C1orf21: variants seen among roughly 807,000 people sequenced by gnomAD.
C1orf21 encodes the protein uncharacterized protein C1orf21.
A neutral mutation model predicts 18.7 loss-of-function variants in C1orf21; 3 were observed. The observed-to-expected ratio is 0.16, with a 90% confidence interval of 0.07 to 0.42. The LOEUF (loss-of-function observed/expected upper bound fraction) is 0.42, where lower values mean the gene tolerates loss of function less well. Ranked by LOEUF, C1orf21 falls within the 10% of genes least tolerant of loss-of-function variation. The pLI, the probability that C1orf21 is intolerant of heterozygous loss-of-function variation, is 0.99. For missense variants in C1orf21, 104 were observed against 143.6 expected, an observed-to-expected ratio of 0.72 and a Z score of 1.41; for synonymous variants, 41 against 46.4, an observed-to-expected ratio of 0.88 and a Z score of 0.47.
chr1:184,561,687 G>T (rs907280187), intron 3 of C1orf21, among the ~76,000 whole-genome samples: 2 of 152,006 alleles, frequency 1.3e-5, no homozygotes, highest in South Asian at 4.2e-4. Context: ...TGTGATCTTC[G>T]GCTCACTGCA....
intron 1 of C1orf21, among the ~76,000 whole-genome samples, chr1:184,396,319 G>C (rs1282653602): frequency 6.6e-6 from 1 of 152,166 alleles, no homozygotes; most frequent in African/African-American, 2.4e-5. Context: ...CAAGTGAACT[G>C]TAGTACTAAC....
At chr1:184,511,198 G>C (rs1658138053) in intron 3 of C1orf21, among the ~76,000 whole-genome samples, 1 of 152,074 alleles carries the variant, frequency 6.6e-6, no homozygotes, top group Admixed American at 6.6e-5. Context: ...AAAGCTCAAA[G>C]TATAGTACAC....
chr1:184,552,960 G>T (rs778499200), intron 3 of C1orf21, among the ~76,000 whole-genome samples: 2 of 152,150 alleles, frequency 1.3e-5, no homozygotes, highest in Non-Finnish European at 2.9e-5. Context: ...GCTCAACAAT[G>T]AAGTTATTTC....
intron 2 of C1orf21, among the ~76,000 whole-genome samples, chr1:184,501,285 C>T (rs1657972210): frequency 6.6e-6 from 1 of 152,090 alleles, no homozygotes; most frequent in African/African-American, 2.4e-5. Context: ...GTCTTACCTC[C>T]TGGAATTCTT....
chr1:184,470,182 AG>A (rs1657473671), intron 1 of C1orf21, among the ~76,000 whole-genome samples: 1 of 152,140 alleles, frequency 6.6e-6, no homozygotes, highest in African/African-American at 2.4e-5. Flanking sequence ...GGGTTAGGTC[AG>A]CAAAGTTGCC....
chr1:184,577,356 A>G (rs1196441294), intron 3 of C1orf21, among the ~76,000 whole-genome samples: 1 of 151,984 alleles, frequency 6.6e-6, no homozygotes, highest in Non-Finnish European at 1.5e-5. Context: ...AGAAGCTAGA[A>G]AGGCAATGAA....
At chr1:184,441,085 T>A (rs563185045) in intron 1 of C1orf21, among the ~76,000 whole-genome samples, 1 of 152,330 alleles carries the variant, frequency 6.6e-6, no homozygotes, top group African/African-American at 2.4e-5. Context: ...AAATTCTAAG[T>A]CTTCTGTTAG....
intron 1 of C1orf21, among the ~76,000 whole-genome samples, chr1:184,437,852 T>C (rs1656882960): frequency 6.6e-6 from 1 of 151,148 alleles, no homozygotes; most frequent in Non-Finnish European, 1.5e-5. Context: ...CATCTGAGGG[T>C]GATAAGAGAC....
intron 1 of C1orf21, among the ~76,000 whole-genome samples, chr1:184,451,462 A>AT (rs374550435): frequency 0.15 from 11,972 of 77,252 alleles, 499 homozygotes; most frequent in African/African-American, 0.21. Flanking sequence ...GGCTAATTTA[A>AT]TTTTTTTTTT....
intron 2 of C1orf21, among the ~76,000 whole-genome samples, chr1:184,477,838 A>C (rs1252683846): frequency 6.6e-6 from 1 of 152,210 alleles, no homozygotes; most frequent in Non-Finnish European, 1.5e-5. Flanking sequence ...CATACAGTAC[A>C]TTATTTTTAA....
In C1orf21 at chr1:184,426,270, A is replaced by G. The variant is rs541784659; in HGVS notation, c.-125+38902A>G. On this transcript the variant is annotated intron_variant, in intron 1 of 5. Coordinates refer to ENST00000235307, the MANE Select transcript of C1orf21 (RefSeq NM_030806.4). ...TCCTAACTGGTGGTCTTCTACTTTC[A>G]TGATCAGTTCGTCTGCCAGGATTAC... 2.0e-5 allele frequency among the ~76,000 whole-genome samples: 3 copies of G among 152,262 alleles called. No individual in the cohort carries two copies. In the East Asian group the frequency reaches 5.8e-4, roughly 29 times the overall value.
At chr1:184,398,133 G>A (rs867753544) in intron 1 of C1orf21, among the ~76,000 whole-genome samples, 13 of 152,288 alleles carry the variant, frequency 8.5e-5, no homozygotes, top group Middle Eastern at 3.4e-3. Flanking sequence ...CTCCAGATTA[G>A]TGATCTTGAA....
chr1:184,557,400 A>T (rs1364851697), intron 3 of C1orf21, among the ~76,000 whole-genome samples: 1 of 150,896 alleles, frequency 6.6e-6, no homozygotes, highest in Non-Finnish European at 1.5e-5. Context: ...TCCTCGCCCC[A>T]CTCCCACCCT....
At chr1:184,599,480 A>ATC (rs1279723789) in intron 5 of C1orf21, 2 of 152,248 alleles carry the variant, frequency 1.3e-5, no homozygotes, top group South Asian at 4.1e-4. Context: ...ATCATCTTCT[A>ATC]AGCCACCATT....
At chr1:184,575,611 TA>T (rs59167087) in intron 3 of C1orf21, among the ~76,000 whole-genome samples, 29,915 of 83,490 alleles carry the variant, frequency 0.36, 3,256 homozygotes, top group Admixed American at 0.44. Flanking sequence ...CACAAAAAGG[TA>T]AAAAAAAAAA....
chr1:184,472,622 C>T (rs1349733189), intron 1 of C1orf21, among the ~76,000 whole-genome samples: 1 of 151,432 alleles, frequency 6.6e-6, no homozygotes, highest in African/African-American at 2.4e-5. Flanking sequence ...ACAGATTTTG[C>T]TTTTTTTATT....
intron 2 of C1orf21, among the ~76,000 whole-genome samples, chr1:184,485,611 C>T (rs1308617033): frequency 6.6e-6 from 1 of 152,008 alleles, no homozygotes; most frequent in Admixed American, 6.5e-5. Flanking sequence ...TAAGTGAGCA[C>T]TAGGTGTGTA....
chr1:184,522,644 C>T (rs988025864), intron 3 of C1orf21, among the ~76,000 whole-genome samples: 1 of 152,150 alleles, frequency 6.6e-6, no homozygotes, highest in Non-Finnish European at 1.5e-5. Flanking sequence ...TGTTAGATTA[C>T]ACTATTAATC....
intron 1 of C1orf21, among the ~76,000 whole-genome samples, chr1:184,467,381 A>C (rs531452761): frequency 6.6e-6 from 1 of 152,328 alleles, no homozygotes; most frequent in South Asian, 2.1e-4. Context: ...CATTGAGGCT[A>C]TGATGAAGCA....
Sources: gnomAD v4.1 joint callset for allele counts (sites outside exome capture counted in the v4.1 genomes callset) on GRCh38, gnomAD v4.1.1 for gene constraint, MANE v1.5 for transcripts, NCBI Gene and HGNC (gene_info 2026-07-23, HGNC 2026-07-21) for gene names.